Variants in THSD4 observed in about 807,000 individuals in gnomAD.
The protein encoded by THSD4 is thrombospondin type 1 domain containing 4.
THSD4 carries 69 observed loss-of-function variants against 119.0 expected under a neutral mutation model. That is an observed-to-expected ratio of 0.58 (90% CI 0.48 to 0.71). THSD4 has a LOEUF of 0.71. Among genes scored for constraint, THSD4 ranks in the 30% least tolerant of loss-of-function variants. The pLI, the probability that THSD4 is intolerant of heterozygous loss-of-function variation, is 0.00. For missense variants in THSD4, 1,393 were observed against 1,391.1 expected, an observed-to-expected ratio of 1.00 and a Z score of -0.02; for synonymous variants, 524 against 540.4, an observed-to-expected ratio of 0.97 and a Z score of 0.42.
chr15:71,660,467 C>G, intron 7 of THSD4, 63 bp from the exon 8 acceptor site: 2 of 1,595,020 alleles, frequency 1.3e-6, no homozygotes, highest in Non-Finnish European at 1.7e-6. Context: ...GGATCTTCTC[C>G]CTTCCTTCCT....
At chr15:71,274,248 C>T (rs771283950) in intron 6 of THSD4, among the ~76,000 whole-genome samples, 1 of 152,212 alleles carries the variant, frequency 6.6e-6, no homozygotes, top group Non-Finnish European at 1.5e-5. Flanking sequence ...CCACCTGGCT[C>T]ATCAACTGTC....
intron 6 of THSD4, among the ~76,000 whole-genome samples, chr15:71,272,459 T>C (rs1447076554): frequency 5.2e-5 from 6 of 115,826 alleles, no homozygotes; most frequent in Non-Finnish European, 9.2e-5. Flanking sequence ...AGGACCTGAA[T>C]AGACATTTCT....
At chr15:71,348,757 G>C (rs1032616533) in intron 6 of THSD4, among the ~76,000 whole-genome samples, 1 of 152,224 alleles carries the variant, frequency 6.6e-6, no homozygotes, top group African/African-American at 2.4e-5. Flanking sequence ...ACCTGCTAAA[G>C]GATGAGCTAT....
intron 7 of THSD4, among the ~76,000 whole-genome samples, chr15:71,592,922 A>G (rs2049834858): frequency 6.6e-6 from 1 of 152,090 alleles, no homozygotes; most frequent in South Asian, 2.1e-4. Flanking sequence ...CAGCAGGAGC[A>G]TCTTTGTTTT....
intron 6 of THSD4, among the ~76,000 whole-genome samples, chr15:71,299,066 G>T (rs2044907662): frequency 6.6e-6 from 1 of 152,168 alleles, no homozygotes. Context: ...ATCTTACTGA[G>T]TTGGACAGGA....
At chr15:71,107,121 A>T (rs1166509008) in intron 1 of THSD4, among the ~76,000 whole-genome samples, 1 of 152,208 alleles carries the variant, frequency 6.6e-6, no homozygotes, top group Non-Finnish European at 1.5e-5. Context: ...CCAAGTGCAC[A>T]TTTGTTTAAC....
chr15:71,398,173 G>A lies in THSD4; in HGVS notation c.1016-13514G>A, dbSNP rs541946775. ...AGCTTCCAGAAGTCACATCTGCAAGGTCAGGTAGAATTTATTTAGGCAGAG... is the reference window on the plus strand; with the variant it reads ...AGCTTCCAGAAGTCACATCTGCAAGATCAGGTAGAATTTATTTAGGCAGAG... On this transcript the variant is annotated intron_variant, in intron 6 of 17. Transcript: ENST00000261862. 6.6e-5 allele frequency among the ~76,000 whole-genome samples: 10 copies of A among 152,304 alleles called. No homozygotes were observed. In the Middle Eastern group the frequency reaches 0.014, roughly 207 times the overall value.
intron 6 of THSD4, among the ~76,000 whole-genome samples, chr15:71,376,232 G>T (rs1334018911): frequency 6.8e-6 from 1 of 147,652 alleles, no homozygotes; most frequent in Non-Finnish European, 1.5e-5. Context: ...AATCCTGAAT[G>T]TATGTAGGAC....
intron 8 of THSD4, among the ~76,000 whole-genome samples, chr15:71,697,969 C>T (rs2052200543): frequency 6.6e-6 from 1 of 151,940 alleles, no homozygotes; most frequent in Non-Finnish European, 1.5e-5. Flanking sequence ...ACAGAACCCC[C>T]ACTTCAGCAC....
chr15:71,567,575 C>A (rs1352484621), intron 7 of THSD4, among the ~76,000 whole-genome samples: 1 of 144,054 alleles, frequency 6.9e-6, no homozygotes, highest in Non-Finnish European at 1.5e-5. Context: ...TTCCAACTTG[C>A]TCCTGGACAA....
chr15:71,514,548 A>G (rs1202581741), intron 7 of THSD4, among the ~76,000 whole-genome samples: 1 of 152,226 alleles, frequency 6.6e-6, no homozygotes, highest in African/African-American at 2.4e-5. Context: ...TCTGAGATCC[A>G]TCCATGGTAT....
intron 7 of THSD4, among the ~76,000 whole-genome samples, chr15:71,519,973 G>A (rs919088138): frequency 3.3e-5 from 5 of 152,200 alleles, no homozygotes; most frequent in Non-Finnish European, 5.9e-5. Flanking sequence ...CAGCGGCAGT[G>A]GTGGCAAATC....
chr15:71,277,604 G>A (rs1433379912), intron 6 of THSD4, among the ~76,000 whole-genome samples: 2 of 152,172 alleles, frequency 1.3e-5, no homozygotes, highest in Non-Finnish European at 2.9e-5. Context: ...CTTGGTAATT[G>A]AGTATATGTA....
rs775247206 is a variant in THSD4 at position 71,215,184 on chromosome 15, C to T, written c.249C>T (p.Arg83=). The T allele has an allele frequency of 2.8e-5, 38 of 1,362,802 alleles. No individual in the cohort carries two copies. The East Asian group carries it at 5.8e-4, about 21-fold the overall frequency. The allele number at this position is 1,362,802 out of a possible 1,614,324, so 84.4% of individuals were successfully genotyped here. ...VMEQTRPCLP[R]SYRLRGGQRP... is the part of the protein sequence containing the mutation. ...AGCAGACGCGGCCCTGCCTGCCCCG[C>T]TCCTACCGCCTGCGCGGCGGCCAGC... is the stretch of plus-strand genomic sequence containing the variant. The change falls in exon 4 of 18, where the codon CGC becomes CGT. Residue 83 remains arginine, a synonymous_variant. Transcript: ENST00000261862.
chr15:71,638,093 G>T (rs941994803), intron 7 of THSD4, among the ~76,000 whole-genome samples: 1 of 152,126 alleles, frequency 6.6e-6, no homozygotes, highest in Non-Finnish European at 1.5e-5. Context: ...TTTATATTAT[G>T]TTTATTTTAC....
intron 3 of THSD4, among the ~76,000 whole-genome samples, chr15:71,207,830 T>A (rs1005726767): frequency 6.6e-6 from 1 of 152,142 alleles, no homozygotes; most frequent in Admixed American, 6.5e-5. Context: ...ACCACATCTG[T>A]GGAAAAATTG....
chr15:71,598,252 G>A (rs373576844), intron 7 of THSD4, among the ~76,000 whole-genome samples: 2 of 152,258 alleles, frequency 1.3e-5, no homozygotes, highest in East Asian at 1.9e-4. Context: ...GCAAGAGCAA[G>A]TACTAAGGGC....
chr15:71,187,682 G>A (rs1171685348), intron 3 of THSD4: 1 of 152,432 alleles, frequency 6.6e-6, no homozygotes, highest in Non-Finnish European at 1.5e-5. Flanking sequence ...TGCAAGGCTT[G>A]TTTCTACCTT....
chr15:71,306,920 TAAATTTCTC>T (rs1440396595), intron 6 of THSD4, among the ~76,000 whole-genome samples: 2 of 152,188 alleles, frequency 1.3e-5, no homozygotes, highest in African/African-American at 4.8e-5. Flanking sequence ...AGTACAAGCA[TAAATTTCTC>T]AAATTTTTTA....
Sources: allele counts gnomAD v4.1 joint callset (sites outside exome capture counted in the v4.1 genomes callset), GRCh38; gene constraint gnomAD v4.1.1; transcripts MANE v1.5; gene names NCBI Gene and HGNC (gene_info 2026-07-23, HGNC 2026-07-21).